PIP5K1A: variants seen among roughly 807,000 people sequenced by gnomAD.
PIP5K1A encodes the protein phosphatidylinositol-4-phosphate 5-kinase type 1 alpha, also known as phosphatidylinositol 4-phosphate 5-kinase type-1 alpha.
PIP5K1A carries 46 observed loss-of-function variants against 72.9 expected under a neutral mutation model. That is an observed-to-expected ratio of 0.63 (90% CI 0.50 to 0.81). PIP5K1A has a LOEUF of 0.81. PIP5K1A is among the 30% of genes least tolerant of loss of function. The pLI, the probability that PIP5K1A is intolerant of heterozygous loss-of-function variation, is 0.00. For synonymous variants in PIP5K1A, 228 were observed against 255.1 expected, an observed-to-expected ratio of 0.89 and a Z score of 1.01; for missense variants, 458 against 706.1, an observed-to-expected ratio of 0.65 and a Z score of 3.98.
intron 14 of PIP5K1A, among the ~76,000 whole-genome samples, chr1:151,243,874 G>T (rs897957603): frequency 5.3e-5 from 8 of 152,114 alleles, no homozygotes; most frequent in African/African-American, 1.9e-4. Context: ...TTCTTTATGA[G>T]ACCTAAGCTT....
At position 151,236,641 on chromosome 1, in the gene PIP5K1A, C is replaced by A. The variant is rs772042441; in HGVS notation, c.1023C>A (p.Ser341Arg). The A allele has an allele frequency of 6.2e-6, 10 of 1,613,002 alleles. No individual in the cohort carries two copies. The South Asian group carries it at 1.1e-4, about 18-fold the overall frequency. ...ATCATGCACAACGAGAGCCCTTAAGCAGTGAAACACAGTACTCAGTTGATA... is the reference window on the plus strand; with the variant it reads ...ATCATGCACAACGAGAGCCCTTAAGAAGTGAAACACAGTACTCAGTTGATA... ...NIDHAQREPL[S>R]SETQYSVDTR... The change falls in exon 9 of 16, where the codon AGC becomes AGA. Residue 341 changes from serine (S) to arginine (R), a missense_variant. Around this residue, in one of 3 missense-constraint regions of PIP5K1A, gnomAD observed 220 missense variants for 442.6 expected, o/e 0.50. Coordinates refer to ENST00000368888, the MANE Select transcript of PIP5K1A (RefSeq NM_001135638.2).
intron 10 of PIP5K1A, 22 bp from the exon 11 acceptor site, chr1:151,239,108 G>T (rs201338201): frequency 1.3e-6 from 2 of 1,583,660 alleles, no homozygotes; most frequent in East Asian, 4.5e-5. Context: ...ACGTGAGTAG[G>T]TGATGTACAT....
Position 151,249,014 on chromosome 1 carries a change from T to C in PIP5K1A, c.*1149T>C, listed in dbSNP as rs990702310. ...CATATGTCCTACCCCCCTGTCTTCATGCAGGGAAGTTGGAAATGGGGGCTA... is the reference window on the plus strand; with the variant it reads ...CATATGTCCTACCCCCCTGTCTTCACGCAGGGAAGTTGGAAATGGGGGCTA... On this transcript the variant is annotated 3_prime_UTR_variant, in exon 16 of 16. Transcript: ENST00000368888. 3 of 152,246 alleles carry C rather than the reference T, an allele frequency of 2.0e-5. No individual in the cohort carries two copies. Among genetic ancestry groups the C allele is most frequent in the Non-Finnish European group, 4.4e-5 (3 of 68,046 alleles). The allele number at this position is 152,246 out of a possible 1,614,324, so 9.4% of individuals were successfully genotyped here.
upstream of PIP5K1A, among the ~76,000 whole-genome samples, chr1:151,197,273 TTTG>T (rs1314392031): frequency 3.3e-5 from 5 of 151,718 alleles, no homozygotes; most frequent in African/African-American, 1.2e-4. Flanking sequence ...ACCTGTTTTT[TTTG>T]TTTGTTTGTT....
chr1:151,219,261 ATCCTGGCTAC>A (rs1325013663), intron 1 of PIP5K1A, among the ~76,000 whole-genome samples: 2 of 151,908 alleles, frequency 1.3e-5, no homozygotes, highest in African/African-American at 4.8e-5. Context: ...CACACCCGTA[ATCCTGGCTAC>A]TCGGGAGGCT....
At chr1:151,232,423 G>C (rs1690230238) in intron 6 of PIP5K1A, 58 bp downstream of exon 6, 5 of 1,492,898 alleles carry the variant, frequency 3.3e-6, no homozygotes, top group Non-Finnish European at 3.7e-6. Flanking sequence ...ATTCCCAAAG[G>C]AAGGCCCCTT....
At chr1:151,212,706 C>A (rs770473271) in intron 1 of PIP5K1A, among the ~76,000 whole-genome samples, 90 of 152,008 alleles carry the variant, frequency 5.9e-4, no homozygotes, top group Non-Finnish European at 8.2e-4. Context: ...TCTCGAGTAG[C>A]TGGGACTACA....
At chr1:151,230,468 C>T (rs1344451770) in intron 4 of PIP5K1A, among the ~76,000 whole-genome samples, 1 of 152,160 alleles carries the variant, frequency 6.6e-6, no homozygotes, top group African/African-American at 2.4e-5. Context: ...TTTGATAATT[C>T]TAAGTCTGAA....
At chr1:151,210,175 C>T (rs770364446) in intron 1 of PIP5K1A, among the ~76,000 whole-genome samples, 5 of 151,454 alleles carry the variant, frequency 3.3e-5, no homozygotes, top group East Asian at 3.9e-4. Flanking sequence ...TGAGCCACTG[C>T]GCCCGCCCTC....
intron 12 of PIP5K1A, 189 bp downstream of exon 12, chr1:151,240,228 C>T (rs900948430): frequency 8.8e-6 from 5 of 569,758 alleles, no homozygotes; most frequent in African/African-American, 2.0e-5. Context: ...GTTGCTGTTT[C>T]CCCCTTGGCT....
rs587748960 is a variant in PIP5K1A, at chr1:151,234,122, G to A, written c.640-75G>A. The stretch of plus-strand genomic sequence containing the variant: ...ATAGGAGATAAAGGGAGGATGGGTG[G>A]TAACTTTTACTGGTGAGTTTCACTG... On this transcript the variant is annotated intron_variant, in intron 7 of 15. Transcript: ENST00000368888. The A allele has an allele frequency of 6.2e-6, 7 of 1,123,378 alleles. No individual in the cohort carries two copies. In the African/African-American group the frequency reaches 9.4e-5, roughly 15 times the overall value. 69.6% of individuals were successfully genotyped at this position (1,123,378 alleles called of 1,614,324 possible).
intron 9 of PIP5K1A, 80 bp downstream of exon 9, chr1:151,236,843 T>TTC (rs1324594341): frequency 1.7e-5 from 16 of 940,316 alleles, no homozygotes; most frequent in Non-Finnish European, 2.0e-5. Flanking sequence ...TTTTTTTTTT[T>TTC]AGTTTCACTC....
In PIP5K1A at chr1:151,223,999, A is replaced by G. The variant is rs1248652046; in HGVS notation, c.86-246A>G. 3 of 557,688 alleles carry G rather than the reference A, an allele frequency of 5.4e-6. No homozygotes were observed. In the African/African-American group the frequency reaches 5.7e-5, roughly 11 times the overall value. 34.5% of individuals were successfully genotyped at this position (557,688 alleles called of 1,614,324 possible). On this transcript the variant is annotated intron_variant, in intron 1 of 15. Coordinates refer to ENST00000368888, the MANE Select transcript of PIP5K1A (RefSeq NM_001135638.2). ...AAAGAAAAAGTTATATTTCCCAGAG[A>G]AAATATGGATATTTGAATAAGAAAG...
At chr1:151,218,617 C>T (rs1400380020) in intron 1 of PIP5K1A, among the ~76,000 whole-genome samples, 1 of 151,616 alleles carries the variant, frequency 6.6e-6, no homozygotes, top group African/African-American at 2.4e-5. Context: ...CAGTGGATCA[C>T]AAGATCAAGA....
chr1:151,232,667 G>A lies in PIP5K1A; in HGVS notation c.603G>A (p.Ala201=), dbSNP rs745494730. 75 of 1,613,760 alleles carry A rather than the reference G, an allele frequency of 4.6e-5. No homozygotes were observed. Among genetic ancestry groups the A allele is most frequent in the Middle Eastern group, 1.6e-4 (1 of 6,084 alleles). ...FIIKTVQHKE[A]EFLQKLLPGY... is the part of the protein sequence containing the mutation. ...TTAAGACAGTCCAACATAAAGAGGCGGAATTTCTGCAGAAGCTGCTTCCAG... is the reference window on the plus strand; with the variant it reads ...TTAAGACAGTCCAACATAAAGAGGCAGAATTTCTGCAGAAGCTGCTTCCAG... Residue 201 remains alanine, a synonymous_variant, in exon 7 of 16, where the codon GCG becomes GCA. Transcript: ENST00000368888.
chr1:151,224,211 T>C, intron 1 of PIP5K1A, 34 bp from the exon 2 acceptor site: 1 of 1,583,648 alleles, frequency 6.3e-7, no homozygotes, highest in Non-Finnish European at 8.7e-7. Context: ...GAGTGTGTGA[T>C]ACACTCTTAT....
At chr1:151,206,912 T>G (rs749268866) in intron 1 of PIP5K1A, among the ~76,000 whole-genome samples, 2 of 152,122 alleles carry the variant, frequency 1.3e-5, no homozygotes, top group Middle Eastern at 3.4e-3. Context: ...TTCGCCAGGC[T>G]GGTCTCGAAC....
intron 4 of PIP5K1A, among the ~76,000 whole-genome samples, chr1:151,229,915 C>G (rs1689782110): frequency 6.6e-6 from 1 of 151,026 alleles, no homozygotes; most frequent in African/African-American, 2.5e-5. Flanking sequence ...AACCCCATCT[C>G]TACTAAAAAA....
rs139942804 is a variant in PIP5K1A, at chr1:151,241,297, T to C, written c.1364-826T>C. Among the ~76,000 whole-genome samples the C allele has an allele frequency of 9.0e-3, 1,372 of 152,018 alleles. 14 individuals are homozygous for C. Among genetic ancestry groups the C allele is most frequent in the African/African-American group, 0.017 (724 of 41,454 alleles). The stretch of plus-strand genomic sequence containing the variant: ...AGGGCAGATCACAAGGTCCGGAGAT[T>C]GAGACCATCCTGGCTAACACGGTGA... On this transcript the variant is annotated intron_variant, in intron 12 of 15. Coordinates refer to ENST00000368888, the MANE Select transcript of PIP5K1A (RefSeq NM_001135638.2).
Sources: allele counts gnomAD v4.1 joint callset (sites outside exome capture counted in the v4.1 genomes callset), GRCh38; gene constraint gnomAD v4.1.1; regional missense constraint gnomAD v4.1.1; transcripts MANE v1.5; gene names NCBI Gene and HGNC (gene_info 2026-07-23, HGNC 2026-07-21).